DUOX2: variants seen among roughly 807,000 people sequenced by gnomAD.
DUOX2 encodes the protein NADH/NADPH thyroid oxidase p138-tox.
Under a neutral mutation model 183.3 loss-of-function variants are expected in DUOX2, and 185 were observed. The observed-to-expected ratio is 1.01, with a 90% CI of 0.90 to 1.14. The LOEUF (loss-of-function observed/expected upper bound fraction) is 1.14. DUOX2 is among the 50% of genes most tolerant of loss of function. The pLI is 0.00. For missense variants in DUOX2, 1,999 were observed against 2,022.9 expected (o/e 0.99, Z 0.23); for synonymous variants, 788 against 812.4 (o/e 0.97, Z 0.51).
rs1272097704 is a variant in DUOX2, at chr15:45,109,977, A to G, written c.1044T>C (p.Asn348=). The G allele has an allele frequency of 1.9e-6, 3 of 1,614,062 alleles. No individual in the cohort carries two copies. Among genetic ancestry groups the G allele is most frequent in the Admixed American group, 1.7e-5 (1 of 60,024 alleles). ...TMVPPGVYMR[N]ASCHFRKVLN... ...GGACCTTCCGGAAATGACAGCTGGC[A>G]TTTCTGAAATTGAGAACAAAGGATG... The change falls in exon 10 of 34, where the codon AAT becomes AAC. Residue 348 remains asparagine (N), a synonymous_variant. Transcript: ENST00000389039.
chr15:45,095,406 C>T, intron 31 of DUOX2, 31 bp downstream of exon 31: 1 of 1,614,064 alleles, frequency 6.2e-7, no homozygotes, highest in African/African-American at 1.3e-5. Context: ...CCACCTATGC[C>T]CCATTTGATG....
chr15:45,113,433 G>T lies in DUOX2; in HGVS notation c.-14-8C>A, dbSNP rs780569053. ...GCATGCCAACCCTGCAGCCTGCGGG[G>T]TGAGGGTGGGGGTGGTAGGTGGTAT... On this transcript the variant is annotated splice_polypyrimidine_tract_variant and splice_region_variant and intron_variant, in intron 1 of 33. Coordinates refer to ENST00000389039, the MANE Select transcript of DUOX2 (RefSeq NM_001363711.2). 1.2e-5 allele frequency: 19 copies of T among 1,553,158 alleles called. No individual in the cohort carries two copies. In the East Asian group the frequency reaches 4.4e-4, roughly 36 times the overall value.
chr15:45,104,367 T>A lies in DUOX2; in HGVS notation c.2335-2A>T, dbSNP rs765878448. 4 of 1,613,244 alleles carry A rather than the reference T, an allele frequency of 2.5e-6. No homozygotes were observed. Among genetic ancestry groups the A allele is most frequent in the Non-Finnish European group, 3.4e-6 (4 of 1,179,676 alleles). ...GTCGGCCTGGTTGATGTCCAGCACC[T>A]GCACTCGGGCAGCAGCAGAGGGAGG... On this transcript the variant is annotated splice_acceptor_variant, in intron 18 of 33. Coordinates refer to ENST00000389039, the MANE Select transcript of DUOX2 (RefSeq NM_001363711.2). LOFTEE classifies it high-confidence loss of function.
intron 22 of DUOX2, 22 bp downstream of exon 22, chr15:45,101,183 C>A (rs781596874): frequency 6.2e-6 from 10 of 1,609,892 alleles, no homozygotes; most frequent in Non-Finnish European, 8.5e-6. Context: ...GGCCAACCTG[C>A]CAGAGCCCCA....
chr15:45,103,148 T>G (rs1451324775), intron 20 of DUOX2, among the ~76,000 whole-genome samples: 1 of 152,196 alleles, frequency 6.6e-6, no homozygotes, highest in African/African-American at 2.4e-5. Flanking sequence ...CTTGTCCAGT[T>G]GGGGTATCTG....
In DUOX2 at chr15:45,100,145, TGCTGCAGCTTTTGGGCTAGGAAGCCTC is replaced by T. The variant is rs1422936071; in HGVS notation, c.3062_3088del (p.Arg1021_Gln1029del). ...GTAGTTCTCCACGAAGCGCTTGTACTGCTGCAGCTTTTGGGCTAGGAAGCCTCGCTGCATCTTCTCTTGCAGCGCCTC... is the reference window on the plus strand; with the variant it reads ...GTAGTTCTCCACGAAGCGCTTGTACTGCTGCATCTTCTCTTGCAGCGCCTC... On this transcript the variant is annotated inframe_deletion, in exon 24 of 34. Coordinates refer to ENST00000389039, the MANE Select transcript of DUOX2 (RefSeq NM_001363711.2). 2.5e-6 allele frequency: 4 copies of T among 1,614,228 alleles called. No homozygotes were observed. Among genetic ancestry groups the T allele is most frequent in the African/African-American group, 1.3e-5 (1 of 75,070 alleles).
At chr15:45,112,342 A>C (rs1894450364) in intron 4 of DUOX2, among the ~76,000 whole-genome samples, 1 of 152,168 alleles carries the variant, frequency 6.6e-6, no homozygotes, top group Non-Finnish European at 1.5e-5. Flanking sequence ...GGTTGGAATA[A>C]GGCGTAAGAG....
chr15:45,109,639 A>T lies in DUOX2; in HGVS notation c.1132-13T>A, dbSNP rs1197968392. On this transcript the variant is annotated splice_polypyrimidine_tract_variant and intron_variant, in intron 10 of 33. Coordinates refer to ENST00000389039, the MANE Select transcript of DUOX2 (RefSeq NM_001363711.2). ...TCAGATTGGGGTTCTGGAAGTAAAC[A>T]ATGCACTCAAGATAGGCCTCTACCC... 3.7e-6 allele frequency: 6 copies of T among 1,613,664 alleles called. No individual in the cohort carries two copies. In the South Asian group the frequency reaches 6.6e-5, roughly 18 times the overall value.
At chr15:45,112,009 A>T in intron 4 of DUOX2, 54 bp from the exon 5 acceptor site, 1 of 1,593,406 alleles carries the variant, frequency 6.3e-7, no homozygotes, top group Non-Finnish European at 8.5e-7. Flanking sequence ...CGCCCTCCCC[A>T]CGGCCAGGGC....
chr15:45,094,421 C>T, intron 33 of DUOX2, 142 bp downstream of exon 33: 1 of 1,520,030 alleles, frequency 6.6e-7, no homozygotes, highest in Non-Finnish European at 9.0e-7. Flanking sequence ...GGTGGAAGTC[C>T]CCCTTTAACA....
Position 45,094,505 on chromosome 15 carries a change from C to T in DUOX2, c.4524+58G>A, listed in dbSNP as rs1893847848. Reference sequence around the variant, plus strand: ...AACAGAGTGGCAGGGTGCTTCAGGGCCAGGATGTCCTGGCAGGAGAAGGCC... The same window carrying T: ...AACAGAGTGGCAGGGTGCTTCAGGGTCAGGATGTCCTGGCAGGAGAAGGCC... On this transcript the variant is annotated intron_variant, in intron 33 of 33. Transcript: ENST00000389039. 7 of 1,573,514 alleles carry T rather than the reference C, an allele frequency of 4.4e-6. No homozygotes were observed. The Admixed American group carries it at 1.1e-4, about 25-fold the overall frequency.
chr15:45,101,358 G>T (rs1027065105), intron 21 of DUOX2, 84 bp from the exon 22 acceptor site: 11 of 1,182,882 alleles, frequency 9.3e-6, no homozygotes, highest in Non-Finnish European at 1.1e-5. Context: ...CTCCCTTCTG[G>T]GAAAGTCATG....
chr15:45,100,447 C>T, intron 23 of DUOX2: 1 of 610,994 alleles, frequency 1.6e-6, no homozygotes, highest in Non-Finnish European at 2.9e-6. Flanking sequence ...TCCCCCTCCT[C>T]CTGTCTGTTT....
rs1894198146 is a variant in DUOX2 at position 45,105,836 on chromosome 15, G to A, written c.2149-8C>T. Reference sequence around the variant, plus strand: ...AGAACTAAACAGCAGCACCTGGGTGGGAGGAAGGCGGCACTGACGCAGGGA... The same window carrying A: ...AGAACTAAACAGCAGCACCTGGGTGAGAGGAAGGCGGCACTGACGCAGGGA... On this transcript the variant is annotated splice_region_variant and splice_polypyrimidine_tract_variant and intron_variant, in intron 17 of 33. Coordinates refer to ENST00000389039, the MANE Select transcript of DUOX2 (RefSeq NM_001363711.2). 2 of 1,613,814 alleles carry A rather than the reference G, an allele frequency of 1.2e-6. No individual in the cohort carries two copies. The highest frequency in any genetic ancestry group is 1.7e-5 in the Admixed American group (1 of 60,018).
chr15:45,106,881 G>T lies in DUOX2; in HGVS notation c.1782C>A (p.Ser594Arg). ...TGATGGTGATGGCAAAACCAGGGCT[G>T]CTGCCTTCAAAGAAGTCAAGCACAG... ...PLTVLDFFEG[S>R]SPGFAITIIA... The change falls in exon 15 of 34, where the codon AGC becomes AGA. Residue 594 changes from serine to arginine, a missense_variant. Ser to Arg is a moderately radical substitution (Grantham distance 110, BLOSUM62 -1). Around this residue, in one of 3 missense-constraint regions of DUOX2, gnomAD observed 1,628 missense variants for 1,608.6 expected, o/e 1.01. Transcript: ENST00000389039. 1 of 1,587,730 alleles carries T rather than the reference G, an allele frequency of 6.3e-7. No individual in the cohort carries two copies. Among genetic ancestry groups the T allele is most frequent in the Non-Finnish European group, 8.6e-7 (1 of 1,167,768 alleles).
intron 17 of DUOX2, 69 bp downstream of exon 17, chr15:45,106,056 G>C: frequency 6.4e-7 from 1 of 1,564,022 alleles, no homozygotes; most frequent in Non-Finnish European, 8.8e-7. Flanking sequence ...CTGAGGATAG[G>C]GTGGCCTCGC....
At chr15:45,107,112 C>T (rs1894240169) in intron 14 of DUOX2, 143 bp from the exon 15 acceptor site, 1 of 1,324,372 alleles carries the variant, frequency 7.6e-7, no homozygotes, top group Non-Finnish European at 1.1e-6. Flanking sequence ...CTCAAAAAGT[C>T]CCCATTCATT....
rs138461488 is a variant in DUOX2, at chr15:45,108,075, G to A, written c.1546C>T (p.Arg516Cys). ...DQFVRLRDGDRYWFENTRNGL... is the reference protein window; with the variant it reads ...DQFVRLRDGDCYWFENTRNGL... ...TTCCTGGTGTTCTCAAACCAGTAGC[G>A]GTCACCATCCCGCAGCCGTACAAAC... is the stretch of plus-strand genomic sequence containing the variant. Residue 516 changes from arginine to cysteine, a missense_variant, in exon 13 of 34, where the codon CGC (arginine) becomes TGC (cysteine). Around this residue, in one of 3 missense-constraint regions of DUOX2, gnomAD observed 1,628 missense variants for 1,608.6 expected, o/e 1.01. Transcript: ENST00000389039. The A allele has an allele frequency of 2.2e-5, 36 of 1,613,958 alleles. No homozygotes were observed. Among genetic ancestry groups the A allele is most frequent in the East Asian group, 1.1e-4 (5 of 44,884 alleles).
chr15:45,094,982 T>C lies in DUOX2; in HGVS notation c.4349A>G (p.Tyr1450Cys). ...DHQDLVSVHI[Y>C]VTQLAEKFDL... ...GAACTTCTCAGCCAGCTGGGTGACATAAATGTGCACAGACACCAGGTCCTG... is the reference window on the plus strand; with the variant it reads ...GAACTTCTCAGCCAGCTGGGTGACACAAATGTGCACAGACACCAGGTCCTG... Residue 1450 changes from tyrosine (Y) to cysteine (C), a missense_variant, in exon 32 of 34, where the codon TAT becomes TGT. Physicochemically the swap from Tyr to Cys is radical, Grantham distance 194. Around this residue, in one of 3 missense-constraint regions of DUOX2, gnomAD observed 1,628 missense variants for 1,608.6 expected, o/e 1.01. Coordinates refer to ENST00000389039, the MANE Select transcript of DUOX2 (RefSeq NM_001363711.2). 1 of 1,614,074 alleles carries C rather than the reference T, an allele frequency of 6.2e-7. No homozygotes were observed. Among genetic ancestry groups the C allele is most frequent in the Non-Finnish European group, 8.5e-7 (1 of 1,179,978 alleles).
Sources: gnomAD v4.1 joint callset for allele counts (sites outside exome capture counted in the v4.1 genomes callset) on GRCh38, gnomAD v4.1.1 for gene constraint, gnomAD v4.1.1 regional missense constraint, MANE v1.5 for transcripts, NCBI Gene and HGNC (gene_info 2026-07-23, HGNC 2026-07-21) for gene names.